CFAP299: variants seen among roughly 807,000 people sequenced by gnomAD.
CFAP299 encodes cilia and flagella associated protein 299.
A neutral mutation model predicts 27.0 loss-of-function variants in CFAP299; 21 were observed. The ratio of observed to expected loss-of-function variants is 0.78; its 90% CI spans 0.55 to 1.12. CFAP299 has a LOEUF of 1.12. CFAP299 is among the 50% of genes most tolerant of loss of function. The pLI, the probability that CFAP299 is intolerant of heterozygous loss-of-function variation, is 0.00. For synonymous variants in CFAP299, 104 were observed against 98.1 expected (o/e 1.06, Z -0.36); for missense variants, 310 against 276.6 (o/e 1.12, Z -0.86).
At chr4:80,836,725 T>C (rs1303835359) in intron 3 of CFAP299, among the ~76,000 whole-genome samples, 1 of 152,174 alleles carries the variant, frequency 6.6e-6, no homozygotes, top group East Asian at 1.9e-4. Flanking sequence ...TTCTGGAGAT[T>C]AGGATGCATA....
At chr4:80,612,188 A>T (rs987172656) in intron 3 of CFAP299, among the ~76,000 whole-genome samples, 1 of 152,010 alleles carries the variant, frequency 6.6e-6, no homozygotes, top group East Asian at 1.9e-4. Context: ...CAAAGGAAGT[A>T]TATAATTTCT....
At chr4:80,459,688 AT>A (rs1560576957) in intron 2 of CFAP299, among the ~76,000 whole-genome samples, 1 of 152,142 alleles carries the variant, frequency 6.6e-6, no homozygotes, top group Admixed American at 6.5e-5. Flanking sequence ...AGAAAAACTG[AT>A]TTTTACCATC....
chr4:80,420,444 T>C (rs112861263), intron 2 of CFAP299: 6 of 279,210 alleles, frequency 2.1e-5, no homozygotes, highest in African/African-American at 4.4e-5. Context: ...TTTTGTCTTT[T>C]TGATAACAGC....
intron 4 of CFAP299, among the ~76,000 whole-genome samples, chr4:80,883,042 CA>C (rs2110178191): frequency 6.6e-6 from 1 of 151,470 alleles, no homozygotes; most frequent in East Asian, 1.9e-4. Context: ...AAATCATGTT[CA>C]ATTCATATAA....
At chr4:80,963,460 T>TA in intron 5 of CFAP299, 57 bp from the exon 6 acceptor site, 4 of 1,272,082 alleles carry the variant, frequency 3.1e-6, no homozygotes, top group South Asian at 1.4e-5. Flanking sequence ...AAAAAAATTT[T>TA]AAAAAAGGCC....
intron 3 of CFAP299, among the ~76,000 whole-genome samples, chr4:80,693,151 G>A (rs142543488): frequency 0.021 from 3,173 of 152,242 alleles, 76 homozygotes; most frequent in South Asian, 0.06. Flanking sequence ...ATTCCTCAGG[G>A]ATCTAGAACT....
intron 2 of CFAP299, among the ~76,000 whole-genome samples, chr4:80,367,173 C>G (rs900767974): frequency 6.6e-6 from 1 of 152,042 alleles, no homozygotes; most frequent in Non-Finnish European, 1.5e-5. Context: ...TTGACTTGTG[C>G]ACCTTAAAAG....
chr4:80,594,960 C>G (rs887127739), intron 3 of CFAP299, among the ~76,000 whole-genome samples: 1 of 152,156 alleles, frequency 6.6e-6, no homozygotes, highest in Non-Finnish European at 1.5e-5. Context: ...CAGAGGCCCT[C>G]TCAAATATGG....
chr4:80,691,880 A>G (rs1177549961), intron 3 of CFAP299, among the ~76,000 whole-genome samples: 3 of 152,204 alleles, frequency 2.0e-5, no homozygotes, highest in African/African-American at 7.2e-5. Context: ...AAAAATCACA[A>G]TCATTCTTAT....
chr4:80,907,048 G>T (rs1389752520), intron 4 of CFAP299, among the ~76,000 whole-genome samples: 1 of 151,986 alleles, frequency 6.6e-6, no homozygotes, highest in Non-Finnish European at 1.5e-5. Context: ...GCTTCCTCTT[G>T]AACACTTTGC....
At chr4:80,801,185 GT>G (rs549514004) in intron 3 of CFAP299, among the ~76,000 whole-genome samples, 4,136 of 140,104 alleles carry the variant, frequency 0.03, 127 homozygotes, top group African/African-American at 0.073. Flanking sequence ...TCACACTATG[GT>G]TTTTTTTTTT....
At chr4:80,476,944 CGTGTGTGTGCGCATGCGT>C (rs1309733474) in intron 2 of CFAP299, among the ~76,000 whole-genome samples, 8 of 137,710 alleles carry the variant, frequency 5.8e-5, no homozygotes, top group Admixed American at 3.6e-4. Context: ...TGTGTGTGTG[CGTGTGTGTGCGCATGCGT>C]GTGTGTGTGT....
chr4:80,799,455 A>C (rs1167588820), intron 3 of CFAP299, among the ~76,000 whole-genome samples: 3 of 90,920 alleles, frequency 3.3e-5, no homozygotes, highest in Admixed American at 4.1e-4. Flanking sequence ...TAAAATATAT[A>C]TAATATATTT....
chr4:80,397,637 C>T (rs1056708780), intron 2 of CFAP299, among the ~76,000 whole-genome samples: 10 of 152,226 alleles, frequency 6.6e-5, no homozygotes, highest in African/African-American at 1.4e-4. Context: ...AATTCAACAA[C>T]GCTTCATGCT....
chr4:80,822,944 G>A (rs1729784727), intron 3 of CFAP299, among the ~76,000 whole-genome samples: 1 of 151,920 alleles, frequency 6.6e-6, no homozygotes, highest in South Asian at 2.1e-4. Flanking sequence ...GCATCTTTCT[G>A]ATGTTTTTTA....
chr4:80,507,246 G>A (rs147010779), intron 2 of CFAP299, among the ~76,000 whole-genome samples: 13 of 152,208 alleles, frequency 8.5e-5, no homozygotes, highest in African/African-American at 2.4e-4. Context: ...TGCCAGAGAT[G>A]CCTGAAGGCA....
intron 2 of CFAP299, among the ~76,000 whole-genome samples, chr4:80,447,029 T>C (rs1405007070): frequency 1.3e-5 from 2 of 152,148 alleles, no homozygotes; most frequent in Non-Finnish European, 2.9e-5. Flanking sequence ...GTAATATTTT[T>C]TACCTACTGC....
intron 2 of CFAP299, among the ~76,000 whole-genome samples, chr4:80,438,961 T>C (rs1728221003): frequency 6.6e-6 from 1 of 152,244 alleles, no homozygotes; most frequent in African/African-American, 2.4e-5. Context: ...AATAGAATCA[T>C]TTTTTAAAAA....
chr4:80,883,812 A>G lies in CFAP299; in HGVS notation c.476+13677A>G, dbSNP rs1221908564. Among the ~76,000 whole-genome samples the G allele has an allele frequency of 3.9e-5, 6 of 152,180 alleles. No individual in the cohort carries two copies. The East Asian group carries it at 1.2e-3, about 29-fold the overall frequency. On this transcript the variant is annotated intron_variant, in intron 4 of 5. Transcript: ENST00000358105. Reference sequence around the variant, plus strand: ...ATTTGAAGGGAGAGATAGCAATACAATAATAATAGAGGACTTCAATAGTCC... The same window carrying G: ...ATTTGAAGGGAGAGATAGCAATACAGTAATAATAGAGGACTTCAATAGTCC...
Sources: gnomAD v4.1 joint callset for allele counts (sites outside exome capture counted in the v4.1 genomes callset) on GRCh38, gnomAD v4.1.1 for gene constraint, MANE v1.5 for transcripts, NCBI Gene and HGNC (gene_info 2026-07-23, HGNC 2026-07-21) for gene names.